Variants in IQSEC1 observed in about 807,000 individuals in gnomAD.
The protein encoded by IQSEC1 is IQ motif and SEC7 domain-containing protein 1.
A neutral mutation model predicts 91.0 loss-of-function variants in IQSEC1; 31 were observed. The ratio of observed to expected loss-of-function variants is 0.34; its 90% CI spans 0.26 to 0.46. The LOEUF (loss-of-function observed/expected upper bound fraction) is 0.46, where lower values mean the gene tolerates loss of function less well. IQSEC1 is among the 20% of genes least tolerant of loss of function. The pLI, the probability that IQSEC1 is intolerant of heterozygous loss-of-function variation, is 1.00. For missense variants in IQSEC1, 1,388 were observed against 1,575.6 expected, an observed-to-expected ratio of 0.88 and a Z score of 2.02; for synonymous variants, 699 against 662.6, an observed-to-expected ratio of 1.05 and a Z score of -0.84.
intron 1 of IQSEC1, among the ~76,000 whole-genome samples, chr3:13,263,439 G>A (rs500209): frequency 0.53 from 56,110 of 105,956 alleles, 15,609 homozygotes; most frequent in Non-Finnish European, 0.6. Flanking sequence ...GGGGGGGGGG[G>A]AAAGTACCTG....
In IQSEC1 at chr3:12,922,463, G is replaced by A. The variant is rs144152866; in HGVS notation, c.1731-221C>T. Among the ~76,000 whole-genome samples the A allele has an allele frequency of 1.5e-4, 23 of 152,304 alleles. No homozygotes were observed. The South Asian group carries it at 2.7e-3, about 18-fold the overall frequency. On this transcript the variant is annotated intron_variant, in intron 4 of 13. Coordinates refer to ENST00000613206, the MANE Select transcript of IQSEC1 (RefSeq NM_001134382.3). This position sits in a 1 kb window ranked among gnomAD's most constrained non-coding sequence, Gnocchi z 5.1. Reference sequence around the variant, plus strand: ...AAAGCCCCTGGAACTGTAGGGAAGCGCGTGTGCCTATATTTATGCTGGCAG... The same window carrying A: ...AAAGCCCCTGGAACTGTAGGGAAGCACGTGTGCCTATATTTATGCTGGCAG...
intron 1 of IQSEC1, among the ~76,000 whole-genome samples, chr3:13,170,611 G>T (rs151310461): frequency 3.9e-5 from 6 of 152,242 alleles, no homozygotes; most frequent in African/African-American, 1.2e-4. Context: ...GAGCGCCAGG[G>T]TAATGCAGCC....
At chr3:13,034,218 T>G (rs1703951843) in intron 1 of IQSEC1, among the ~76,000 whole-genome samples, 1 of 152,116 alleles carries the variant, frequency 6.6e-6, no homozygotes, top group Non-Finnish European at 1.5e-5. Context: ...CAGAGTCAAC[T>G]GGGCAAGTGG....
rs1458264008 is a variant in IQSEC1, at chr3:12,967,378, C to G, written c.24-25513G>C. 1 of 1,532,804 alleles carries G rather than the reference C, an allele frequency of 6.5e-7. No homozygotes were observed. Among genetic ancestry groups the G allele is most frequent in the Admixed American group, 2.0e-5 (1 of 50,666 alleles). The allele number at this position is 1,532,804 out of a possible 1,614,324, so 95.0% of individuals were successfully genotyped here. A position where few individuals can be genotyped will look rare whatever the true frequency, so the allele number is the denominator to read the frequency against. ...CGGGAAGGCCGCTCGCCCCGCGCCG[C>G]GCCCTCACCCGCTGTCAAGCTCTAG... On this transcript the variant is annotated intron_variant, in intron 1 of 13. Transcript: ENST00000613206. This position sits in a 1 kb window ranked among gnomAD's most constrained non-coding sequence, Gnocchi z 5.9.
At chr3:13,011,668 A>G (rs1702887801) in intron 1 of IQSEC1, among the ~76,000 whole-genome samples, 1 of 152,272 alleles carries the variant, frequency 6.6e-6, no homozygotes. Context: ...GCTCACAGGC[A>G]GGTGGCTGTC....
intron 1 of IQSEC1, among the ~76,000 whole-genome samples, chr3:13,042,740 C>T (rs768705054): frequency 5.4e-4 from 82 of 152,220 alleles, no homozygotes; most frequent in Admixed American, 7.2e-4. Flanking sequence ...GGGCTCCTGA[C>T]GGTGGCTCTG....
chr3:13,026,878 TG>T (rs781682960), intron 1 of IQSEC1, among the ~76,000 whole-genome samples: 8,537 of 82,414 alleles, frequency 0.1, 548 homozygotes, highest in Middle Eastern at 0.13. Flanking sequence ...TTTTTTTTTT[TG>T]TTTGTTTTTT....
rs2125643609 is a variant in IQSEC1 at position 12,994,863 on chromosome 3, G to A, written c.24-52998C>T. On this transcript the variant is annotated intron_variant, in intron 1 of 13. Coordinates refer to ENST00000613206, the MANE Select transcript of IQSEC1 (RefSeq NM_001134382.3). The surrounding 1 kb of genome is among the most constrained non-coding windows in gnomAD (Gnocchi z 4.5). Reference sequence around the variant, plus strand: ...GCCTGGCGACTGTTACAGAGAATGGGGTGGGCACAATCGGAAGGGAGCCCA... The same window carrying A: ...GCCTGGCGACTGTTACAGAGAATGGAGTGGGCACAATCGGAAGGGAGCCCA... Among the ~76,000 whole-genome samples the A allele has an allele frequency of 6.6e-6, 1 of 152,380 alleles. No individual in the cohort carries two copies. The highest frequency in any genetic ancestry group is 1.9e-4 in the East Asian group (1 of 5,186).
chr3:13,109,097 C>A (rs964417670), intron 2 of IQSEC1, among the ~76,000 whole-genome samples: 1 of 152,124 alleles, frequency 6.6e-6, no homozygotes, highest in African/African-American at 2.4e-5. Flanking sequence ...ATGGCCAGAG[C>A]GTGGGCAGAA....
At chr3:13,082,393 G>A (rs573664271) in intron 2 of IQSEC1, among the ~76,000 whole-genome samples, 1 of 152,336 alleles carries the variant, frequency 6.6e-6, no homozygotes, top group African/African-American at 2.4e-5. Context: ...TCAGGGCTGG[G>A]GAGGAAGGCG....
At chr3:13,061,353 A>G (rs945654304) in intron 1 of IQSEC1, among the ~76,000 whole-genome samples, 1 of 152,258 alleles carries the variant, frequency 6.6e-6, no homozygotes, top group Admixed American at 6.5e-5. Context: ...GAGTTTTCTC[A>G]TGTAACATAC....
rs901838932 is a variant in IQSEC1, at chr3:13,078,503, G to C, written c.303-30981C>G. 3.3e-5 allele frequency among the ~76,000 whole-genome samples: 5 copies of C among 152,010 alleles called. No individual in the cohort carries two copies. In the South Asian group the frequency reaches 8.3e-4, roughly 25 times the overall value. The stretch of plus-strand genomic sequence containing the variant: ...CACCTCTCAGCAGGCAGTGTAGCCT[G>C]GGGGGGAAGGCCAGGAGCCTCCTCT... On this transcript the variant is annotated intron_variant, in intron 2 of 15. Coordinates refer to the IQSEC1 transcript ENST00000648114.
At position 13,167,064 on chromosome 3, in the gene IQSEC1, T is replaced by C. The variant is rs561366035; in HGVS notation, c.273-2931A>G. ...ATGTGTGTACGTGTGTGGTACACTGTATGTGGGTGTGCCTGTATGTGCGTG... is the reference window on the plus strand; with the variant it reads ...ATGTGTGTACGTGTGTGGTACACTGCATGTGGGTGTGCCTGTATGTGCGTG... On this transcript the variant is annotated intron_variant, in intron 1 of 15. Transcript: ENST00000648114. 2.6e-5 allele frequency among the ~76,000 whole-genome samples: 4 copies of C among 152,260 alleles called. 1 individual carries two copies. Among genetic ancestry groups the C allele is most frequent in the African/African-American group, 9.6e-5 (4 of 41,540 alleles).
chr3:13,241,700 C>T (rs1051082291), intron 1 of IQSEC1, among the ~76,000 whole-genome samples: 2 of 152,250 alleles, frequency 1.3e-5, no homozygotes, highest in South Asian at 2.1e-4. Flanking sequence ...GCCCAGTTCC[C>T]GGGCTTCCGT....
intron 2 of IQSEC1, among the ~76,000 whole-genome samples, chr3:13,078,754 A>C (rs910923694): frequency 6.6e-6 from 1 of 152,066 alleles, no homozygotes; most frequent in Non-Finnish European, 1.5e-5. Context: ...AGGGACATTC[A>C]TGGGGCGCTG....
At chr3:13,027,204 T>C (rs1703654585) in intron 1 of IQSEC1, among the ~76,000 whole-genome samples, 1 of 152,106 alleles carries the variant, frequency 6.6e-6, no homozygotes. Context: ...GCTGAGAGCG[T>C]TGGGTCTTGG....
At chr3:13,235,042 G>C (rs1694903676) in intron 1 of IQSEC1, among the ~76,000 whole-genome samples, 1 of 152,196 alleles carries the variant, frequency 6.6e-6, no homozygotes, top group African/African-American at 2.4e-5. Flanking sequence ...ACGGGCTCTG[G>C]GGGTCTAGCG....
chr3:13,026,864 G>GTTT (rs1553680571), intron 1 of IQSEC1, among the ~76,000 whole-genome samples: 6 of 90,862 alleles, frequency 6.6e-5, no homozygotes, highest in African/African-American at 1.7e-4. Flanking sequence ...TATCTCCCCA[G>GTTT]TTTTTTTTTT....
At chr3:13,077,096 G>A (rs540111853), upstream of IQSEC1, among the ~76,000 whole-genome samples, 5 of 151,568 alleles carry the variant, frequency 3.3e-5, no homozygotes, top group East Asian at 3.9e-4. Flanking sequence ...TGGCTTTCAC[G>A]GGAGCAACCA....
Sources: gnomAD v4.1 joint callset for allele counts (sites outside exome capture counted in the v4.1 genomes callset) on GRCh38, gnomAD v4.1.1 for gene constraint, Gnocchi (gnomAD v3.1) non-coding constraint, MANE v1.5 for transcripts, NCBI Gene and HGNC (gene_info 2026-07-23, HGNC 2026-07-21) for gene names.